The following FKTN variants were observed in gnomAD, a reference collection of about 807,000 sequenced individuals.
FKTN encodes the protein fukutin.
FKTN carries 47 observed loss-of-function variants against 58.6 expected under a neutral mutation model. That is an observed-to-expected ratio of 0.80 (90% CI 0.63 to 1.02). The LOEUF is 1.02. Ranked by LOEUF, FKTN falls within the 50% of genes least tolerant of loss-of-function variation. The probability of loss-of-function intolerance (pLI) is 0.00; values close to 1 mark genes in which losing one functional copy is unlikely to be tolerated. For synonymous variants in FKTN, 178 were observed against 191.9 expected (o/e 0.93, Z 0.60); for missense variants, 516 against 537.3 (o/e 0.96, Z 0.39).
intron 10 of FKTN, among the ~76,000 whole-genome samples, chr9:105,632,106 A>G (rs1264842215): frequency 1.1e-4 from 17 of 152,026 alleles, no homozygotes; most frequent in Admixed American, 1.1e-3. Flanking sequence ...GGATGAGTTC[A>G]TGTCCTTTGT....
intron 10 of FKTN, among the ~76,000 whole-genome samples, chr9:105,632,396 T>C (rs1379051909): frequency 6.9e-6 from 1 of 144,896 alleles, no homozygotes; most frequent in African/African-American, 2.6e-5. Flanking sequence ...TGTGCACATG[T>C]ACCCTAAAAC....
intron 10 of FKTN, among the ~76,000 whole-genome samples, chr9:105,632,309 C>T (rs1833561592): frequency 6.6e-6 from 1 of 151,820 alleles, no homozygotes; most frequent in Non-Finnish European, 1.5e-5. Context: ...GGGAGATATA[C>T]CTAATGCTAG....
intron 10 of FKTN, among the ~76,000 whole-genome samples, chr9:105,631,398 T>C (rs142557265): frequency 1.3e-5 from 2 of 152,278 alleles, no homozygotes; most frequent in Non-Finnish European, 2.9e-5. Flanking sequence ...TGTAGGAAAT[T>C]CTTGTCAAGA....
Position 105,636,812 on chromosome 9 carries a change from C to T in FKTN, c.*1548C>T. The stretch of plus-strand genomic sequence containing the variant: ...ATGTCTGAGGGAATGGGCTGGTAGA[C>T]TTTTTCGAAAACAAATTAGAGAAAG... On this transcript the variant is annotated 3_prime_UTR_variant, in exon 11 of 11. Coordinates refer to ENST00000357998, the MANE Select transcript of FKTN (RefSeq NM_001079802.2). The T allele has an allele frequency of 8.2e-7, 1 of 1,220,548 alleles. No homozygotes were observed. The allele number at this position is 1,220,548 out of a possible 1,614,324, so 75.6% of individuals were successfully genotyped here.
intron 1 of FKTN, among the ~76,000 whole-genome samples, 173 bp downstream of exon 1, chr9:105,558,338 C>T (rs1002722887): frequency 6.6e-6 from 1 of 152,188 alleles, no homozygotes; most frequent in Non-Finnish European, 1.5e-5. Context: ...GGGTACTCCT[C>T]AGTCAGTCCA....
At chr9:105,627,537 C>T (rs1832890965) in intron 10 of FKTN, among the ~76,000 whole-genome samples, 1 of 152,048 alleles carries the variant, frequency 6.6e-6, no homozygotes, top group Non-Finnish European at 1.5e-5. Context: ...AGATCTAATC[C>T]AGGATACCAC....
At chr9:105,582,040 G>T (rs1587938354) in intron 3 of FKTN, among the ~76,000 whole-genome samples, 1 of 152,160 alleles carries the variant, frequency 6.6e-6, no homozygotes, top group African/African-American at 2.4e-5. Flanking sequence ...CACGGTGCGC[G>T]CACCCACTAG....
rs564449318 is a variant in FKTN at position 105,568,791 on chromosome 9, A to G, written c.-180-4864A>G. On this transcript the variant is annotated intron_variant, in intron 1 of 10. Transcript: ENST00000357998. ...TGACCCAGTGATCCCATTACTGGGT[A>G]TATACCCAAAGGATTATAAGTCATG... Among the ~76,000 whole-genome samples, 317 of 152,348 alleles carry G rather than the reference A, an allele frequency of 2.1e-3. 1 individual carries two copies. The highest frequency in any genetic ancestry group is 7.0e-3 in the African/African-American group (293 of 41,568).
chr9:105,630,126 A>G (rs1426716519), intron 10 of FKTN, among the ~76,000 whole-genome samples: 1 of 152,094 alleles, frequency 6.6e-6, no homozygotes, highest in African/African-American at 2.4e-5. Flanking sequence ...GGTGCAGCAC[A>G]CCAACATGGC....
At chr9:105,593,031 C>G (rs769134548) in intron 3 of FKTN, among the ~76,000 whole-genome samples, 5 of 152,172 alleles carry the variant, frequency 3.3e-5, no homozygotes, top group Non-Finnish European at 5.9e-5. Flanking sequence ...TGTAGTTAGT[C>G]TGTTCTCGAA....
At chr9:105,620,166 C>T (rs1831596755) in intron 10 of FKTN, 105 bp downstream of exon 10, 1 of 938,452 alleles carries the variant, frequency 1.1e-6, no homozygotes. Context: ...TCTTTCAAGA[C>T]TCCATTATTA....
chr9:105,629,622 T>C (rs1228458954), intron 10 of FKTN, among the ~76,000 whole-genome samples: 1 of 152,194 alleles, frequency 6.6e-6, no homozygotes, highest in African/African-American at 2.4e-5. Flanking sequence ...TATGTAGTTA[T>C]GTCCCAAGGC....
chr9:105,559,473 A>G (rs921050876), intron 1 of FKTN, among the ~76,000 whole-genome samples: 3 of 152,094 alleles, frequency 2.0e-5, no homozygotes, highest in South Asian at 2.1e-4. Flanking sequence ...CCTGAGGCCA[A>G]GGAGTTCGAA....
rs749856649 is a variant in FKTN, at chr9:105,601,095, C to T, written c.166-50C>T. On this transcript the variant is annotated intron_variant, in intron 4 of 10. Transcript: ENST00000357998. ...ATGAATTAAAATGTTATAAAATAGA[C>T]TGTTGTGTTGGCTTACTGGAATTAC... 3.0e-6 allele frequency: 3 copies of T among 998,290 alleles called. No homozygotes were observed. In the South Asian group the frequency reaches 4.0e-5, roughly 13 times the overall value. 61.8% of individuals were successfully genotyped at this position (998,290 alleles called of 1,614,324 possible). A position where few individuals can be genotyped will look rare whatever the true frequency, so the allele number is the denominator to read the frequency against.
rs146951171 is a variant in FKTN, at chr9:105,601,146, G to A, written c.167G>A (p.Arg56His). 3.6e-4 allele frequency: 565 copies of A among 1,566,964 alleles called. 5 individuals carry two copies. The African/African-American group carries it at 6.6e-3, about 18-fold the overall frequency. Residue 56 changes from arginine (R) to histidine (H), a missense_variant and splice_region_variant, in exon 5 of 11, where the codon CGT becomes CAT. Physicochemically the swap from Arg to His is conservative, Grantham distance 29 (BLOSUM62 0). Transcript: ENST00000357998. ...SRIGFDSTQW[R>H]AVKKFIMLTS... ...GAGAATTCTTTTTCTCTCAAACAGC[G>A]TGCAGTTAAAAAATTTATTATGTTA... is the stretch of plus-strand genomic sequence containing the variant.
chr9:105,635,171 A>G lies in FKTN; in HGVS notation c.1293A>G (p.Val431=), dbSNP rs1833938137. Residue 431 remains valine, a synonymous_variant, in exon 11 of 11, where the codon GTA becomes GTG. Transcript: ENST00000357998. ...ATGGTAAGACCTGGAAGATTCCTGT[A>G]AAGACGTGGGACTGGAAGCGCTCTC... ...ANYGKTWKIP[V]KTWDWKRSPP... The G allele has an allele frequency of 6.2e-7, 1 of 1,614,200 alleles. No individual in the cohort carries two copies. The highest frequency in any genetic ancestry group is 1.1e-5 in the South Asian group (1 of 91,084).
At chr9:105,602,956 T>C (rs1320063795) in intron 5 of FKTN, among the ~76,000 whole-genome samples, 6 of 152,224 alleles carry the variant, frequency 3.9e-5, no homozygotes, top group Non-Finnish European at 8.8e-5. Flanking sequence ...TCCATTTGCA[T>C]GTGATTTTTC....
chr9:105,608,548 T>C (rs1009466380), intron 7 of FKTN, among the ~76,000 whole-genome samples: 3 of 152,210 alleles, frequency 2.0e-5, no homozygotes, highest in Admixed American at 6.5e-5. Context: ...AGAGATGACA[T>C]GAAACACAGA....
At chr9:105,585,243 A>G (rs1843700941) in intron 3 of FKTN, among the ~76,000 whole-genome samples, 1 of 152,124 alleles carries the variant, frequency 6.6e-6, no homozygotes, top group South Asian at 2.1e-4. Context: ...TGGGCAACAT[A>G]GTAAGATCTC....
Sources: allele counts gnomAD v4.1 joint callset (sites outside exome capture counted in the v4.1 genomes callset), GRCh38; gene constraint gnomAD v4.1.1; transcripts MANE v1.5; gene names NCBI Gene and HGNC (gene_info 2026-07-23, HGNC 2026-07-21).